The following TAB2 variants were observed in gnomAD, a reference collection of about 807,000 sequenced individuals.
TAB2 encodes TGF-beta-activated kinase 1 and MAP3K7-binding protein 2.
Under a neutral mutation model 65.0 loss-of-function variants are expected in TAB2, and 3 were observed. The ratio of observed to expected loss-of-function variants is 0.05; its 90% CI spans 0.02 to 0.12. TAB2 has a LOEUF of 0.12. Among genes scored for constraint, TAB2 ranks in the 10% least tolerant of loss-of-function variants. The probability of loss-of-function intolerance (pLI) is 1.00; values close to 1 mark genes in which losing one functional copy is unlikely to be tolerated. For missense variants in TAB2, 623 were observed against 840.3 expected (o/e 0.74, Z 3.20); for synonymous variants, 298 against 285.1 (o/e 1.05, Z -0.46).
intron 1 of TAB2, among the ~76,000 whole-genome samples, chr6:149,343,379 G>T (rs1209284656): frequency 2.6e-5 from 4 of 151,572 alleles, no homozygotes; most frequent in Non-Finnish European, 4.4e-5. Context: ...CCTGAAGCAC[G>T]AGAATCACTT....
chr6:149,363,222 A>G (rs755353593), intron 1 of TAB2, among the ~76,000 whole-genome samples: 20 of 152,134 alleles, frequency 1.3e-4, no homozygotes, highest in Non-Finnish European at 2.5e-4. Flanking sequence ...GTATATATAT[A>G]TATGGGGTAG....
intron 1 of TAB2, among the ~76,000 whole-genome samples, chr6:149,311,375 C>A (rs1290890380): frequency 2.0e-5 from 3 of 152,220 alleles, no homozygotes. Flanking sequence ...CTCCTGTGAT[C>A]TTCTCCTCTC....
chr6:149,227,240 A>G (rs1341587470), intron 1 of TAB2, among the ~76,000 whole-genome samples: 1 of 152,222 alleles, frequency 6.6e-6, no homozygotes, highest in Non-Finnish European at 1.5e-5. Context: ...GCCTTTTCCT[A>G]TAAATGACTA....
Position 149,338,939 on chromosome 6 carries a change from C to T in TAB2, c.-90+20924C>T, listed in dbSNP as rs570372790. On this transcript the variant is annotated intron_variant, in intron 1 of 6. Coordinates refer to ENST00000637181, the MANE Select transcript of TAB2 (RefSeq NM_001292034.3). ...TATATTTAGAGTAGTAATTGTTCAG[C>T]AGCAATGGGAGCTGCCATGTGCCAG... Among the ~76,000 whole-genome samples, 12 of 152,302 alleles carry T rather than the reference C, an allele frequency of 7.9e-5. No homozygotes were observed. The South Asian group carries it at 2.5e-3, about 32-fold the overall frequency.
At chr6:149,323,015 C>G (rs1482883885) in intron 1 of TAB2, among the ~76,000 whole-genome samples, 1 of 152,120 alleles carries the variant, frequency 6.6e-6, no homozygotes, top group Admixed American at 6.5e-5. Flanking sequence ...TCCTTTCAGT[C>G]TTTACTTCAC....
chr6:149,325,500 T>G (rs1779574075), intron 1 of TAB2, among the ~76,000 whole-genome samples: 1 of 152,228 alleles, frequency 6.6e-6, no homozygotes, highest in South Asian at 2.1e-4. Context: ...TCATTATTTT[T>G]TTAACTACAA....
At chr6:149,236,612 AT>A (rs1471803646) in intron 1 of TAB2, among the ~76,000 whole-genome samples, 3 of 152,214 alleles carry the variant, frequency 2.0e-5, no homozygotes, top group African/African-American at 7.2e-5. Context: ...TTATATAAAA[AT>A]TTTTTGAGTA....
upstream of TAB2, among the ~76,000 whole-genome samples, chr6:149,313,896 T>C (rs1183217422): frequency 2.6e-5 from 4 of 152,156 alleles, no homozygotes; most frequent in Non-Finnish European, 5.9e-5. Flanking sequence ...TAAGATGATC[T>C]CTCTTCTTCT....
At chr6:149,355,790 G>A (rs911163096) in intron 1 of TAB2, among the ~76,000 whole-genome samples, 2 of 152,030 alleles carry the variant, frequency 1.3e-5, no homozygotes, top group Non-Finnish European at 2.9e-5. Context: ...TTACCTGTGT[G>A]CTTCCTACCT....
intron 6 of TAB2, among the ~76,000 whole-genome samples, chr6:149,403,267 TATATATATATATATATAC>T (rs1782519637): frequency 6.2e-5 from 3 of 48,438 alleles, no homozygotes; most frequent in African/African-American, 3.7e-4. Flanking sequence ...TATATATATA[TATATATATATATATATAC>T]ACACACACAC....
intron 6 of TAB2, chr6:149,400,610 T>C (rs148387745): frequency 1.2e-4 from 186 of 1,614,090 alleles, no homozygotes; most frequent in Non-Finnish European, 1.5e-4. Context: ...CAGACAAACC[T>C]GCACAGTTGG....
At chr6:149,340,455 G>A (rs1384739896) in intron 1 of TAB2, among the ~76,000 whole-genome samples, 1 of 152,038 alleles carries the variant, frequency 6.6e-6, no homozygotes, top group African/African-American at 2.4e-5. Flanking sequence ...TTGGAGTTTC[G>A]ATGAGTAAAT....
intron 1 of TAB2, among the ~76,000 whole-genome samples, chr6:149,359,613 C>G (rs1780778897): frequency 6.6e-6 from 1 of 152,156 alleles, no homozygotes. Context: ...TGTCTTCTTT[C>G]CACATAGTAT....
At chr6:149,281,457 G>C (rs1778571480) in intron 1 of TAB2, among the ~76,000 whole-genome samples, 1 of 147,850 alleles carries the variant, frequency 6.8e-6, no homozygotes. Context: ...GGGTGCAGTT[G>C]TGCATGCCTG....
intron 1 of TAB2, among the ~76,000 whole-genome samples, chr6:149,264,970 A>C (rs974800644): frequency 6.6e-6 from 1 of 152,178 alleles, no homozygotes; most frequent in African/African-American, 2.4e-5. Flanking sequence ...ATTTGGTCCT[A>C]TTCTGCTGTT....
chr6:149,331,026 A>G (rs141865820), intron 1 of TAB2, among the ~76,000 whole-genome samples: 31 of 152,162 alleles, frequency 2.0e-4, no homozygotes, highest in African/African-American at 6.7e-4. Flanking sequence ...TACTATTGCT[A>G]TATAGTAAGT....
chr6:149,372,576 A>T (rs1781266515), intron 2 of TAB2, among the ~76,000 whole-genome samples: 1 of 152,160 alleles, frequency 6.6e-6, no homozygotes, highest in African/African-American at 2.4e-5. Context: ...CCCTATGTTA[A>T]TCTGGCTTTA....
At chr6:149,267,503 T>C (rs1376404773) in intron 1 of TAB2, among the ~76,000 whole-genome samples, 1 of 152,228 alleles carries the variant, frequency 6.6e-6, no homozygotes, top group East Asian at 1.9e-4. Context: ...TCATTGCCTC[T>C]TCTTCCACTT....
rs961980953 is a variant in TAB2 at position 149,272,233 on chromosome 6, C to A, written c.-121+53457C>A. On this transcript the variant is annotated intron_variant, in intron 1 of 1. Coordinates refer to the TAB2 transcript ENST00000606202. Reference sequence around the variant, plus strand: ...AATTTGGCTCCCCAGATGGGATGACCAACAATTCCAGTCTAGGTTGGGACT... The same window carrying A: ...AATTTGGCTCCCCAGATGGGATGACAAACAATTCCAGTCTAGGTTGGGACT... 7.4e-4 allele frequency among the ~76,000 whole-genome samples: 113 copies of A among 152,296 alleles called. 3 individuals are homozygous for A. The highest frequency in any genetic ancestry group is 7.3e-3 in the Admixed American group (112 of 15,292).
Sources: allele counts gnomAD v4.1 joint callset (sites outside exome capture counted in the v4.1 genomes callset), GRCh38; gene constraint gnomAD v4.1.1; transcripts MANE v1.5; gene names NCBI Gene and HGNC (gene_info 2026-07-23, HGNC 2026-07-21).